RELCH: variants seen among roughly 807,000 people sequenced by gnomAD.
The protein encoded by RELCH is RAB11 binding and LisH domain, coiled-coil and HEAT repeat containing.
RELCH carries 41 observed loss-of-function variants against 150.3 expected under a neutral mutation model. The ratio of observed to expected loss-of-function variants is 0.27; its 90% CI spans 0.21 to 0.35. The LOEUF is 0.35. Ranked by LOEUF, RELCH falls within the 10% of genes least tolerant of loss-of-function variation. The pLI is 1.00. For missense variants in RELCH, 1,092 were observed against 1,467.8 expected (o/e 0.74, Z 4.18); for synonymous variants, 478 against 531.8 (o/e 0.90, Z 1.39).
chr18:62,264,051 G>A lies in RELCH; in HGVS notation c.2413G>A (p.Glu805Lys). Residue 805 changes from glutamate (E) to lysine (K), a missense_variant, in exon 17 of 29, where the codon GAG becomes AAG. By Grantham distance (56) the Glu-to-Lys change is moderately conservative. Around this residue, in one of 4 missense-constraint regions of RELCH, gnomAD observed 707 missense variants for 1,025.4 expected, o/e 0.69. Coordinates refer to ENST00000644646, the MANE Select transcript of RELCH (RefSeq NM_001346231.2). ...QDVSTIIGSR[E>K]QLAVLLQLYD... is the part of the protein sequence containing the mutation. Reference sequence around the variant, plus strand: ...TGTGTCCACTATTATCGGAAGTCGTGAGCAATTGGCAGTGCTGCTGCAACT... The same window carrying A: ...TGTGTCCACTATTATCGGAAGTCGTAAGCAATTGGCAGTGCTGCTGCAACT... 6.2e-7 allele frequency: 1 copy of A among 1,608,750 alleles called. No individual in the cohort carries two copies. Among genetic ancestry groups the A allele is most frequent in the Non-Finnish European group, 8.5e-7 (1 of 1,177,710 alleles).
intron 10 of RELCH, among the ~76,000 whole-genome samples, chr18:62,233,960 A>G (rs764345830): frequency 2.6e-5 from 4 of 151,940 alleles, no homozygotes; most frequent in Non-Finnish European, 4.4e-5. Flanking sequence ...TTGTGGTATG[A>G]TGTTTACTTT....
At chr18:62,301,852 G>C (rs1191291925) in intron 28 of RELCH, among the ~76,000 whole-genome samples, 1 of 152,172 alleles carries the variant, frequency 6.6e-6, no homozygotes, top group Non-Finnish European at 1.5e-5. Context: ...TTATGAACCA[G>C]ATACCATTCT....
intron 15 of RELCH, among the ~76,000 whole-genome samples, chr18:62,260,331 G>T (rs2043196744): frequency 6.9e-6 from 1 of 145,890 alleles, no homozygotes; most frequent in Admixed American, 6.9e-5. Context: ...AAACCAAAAT[G>T]AAGTATCATG....
intron 26 of RELCH, among the ~76,000 whole-genome samples, chr18:62,290,272 G>T (rs1600255348): frequency 6.6e-6 from 1 of 152,106 alleles, no homozygotes; most frequent in African/African-American, 2.4e-5. Flanking sequence ...GGTGGCTCAC[G>T]CCTGTAATCC....
chr18:62,200,621 C>T (rs1024562653), intron 1 of RELCH, among the ~76,000 whole-genome samples: 3 of 151,396 alleles, frequency 2.0e-5, no homozygotes, highest in African/African-American at 7.3e-5. Flanking sequence ...CAGAAATTAG[C>T]CTTTCTATTC....
At position 62,309,517 on chromosome 18, in the gene RELCH, CT is replaced by C. The variant is rs1185239431; in HGVS notation, c.*3984del. On this transcript the variant is annotated 3_prime_UTR_variant, in exon 29 of 29. Transcript: ENST00000644646. ...AAGAAAAATCTTAAAACATCCTATT[CT>C]CTGTTAAGACCACACCAATCATAAA... The C allele has an allele frequency of 6.6e-6, 1 of 152,098 alleles. No individual in the cohort carries two copies. Among genetic ancestry groups the C allele is most frequent in the Admixed American group, 6.6e-5 (1 of 15,266 alleles). 9.4% of individuals were successfully genotyped at this position (152,098 alleles called of 1,614,324 possible). A position where few individuals can be genotyped will look rare whatever the true frequency, so the allele number is the denominator to read the frequency against.
In RELCH at chr18:62,211,150, T is replaced by C. The variant is rs756439829; in HGVS notation, c.527-3T>C. The stretch of plus-strand genomic sequence containing the variant: ...AAAACTTTTATATTTCTCTTTATTA[T>C]AGATCGAGCTGGGAGCATTAGTACC... On this transcript the variant is annotated splice_polypyrimidine_tract_variant and splice_region_variant and intron_variant, in intron 1 of 28. Transcript: ENST00000644646. The C allele has an allele frequency of 2.6e-6, 4 of 1,534,740 alleles. No homozygotes were observed. The highest frequency in any genetic ancestry group is 3.5e-5 in the Admixed American group (2 of 57,256).
At chr18:62,273,891 G>T in intron 20 of RELCH, 89 bp from the exon 21 acceptor site, 8 of 798,046 alleles carry the variant, frequency 1.0e-5, no homozygotes, top group South Asian at 1.6e-5. Context: ...CCCTTATTTG[G>T]TAACATTTTC....
At chr18:62,214,390 A>G (rs2040357311) in intron 2 of RELCH, among the ~76,000 whole-genome samples, 1 of 152,208 alleles carries the variant, frequency 6.6e-6, no homozygotes, top group African/African-American at 2.4e-5. Flanking sequence ...TTGGGAAAAG[A>G]TAATTGTCTT....
chr18:62,221,118 A>C lies in RELCH; in HGVS notation c.688+10A>C. The C allele has an allele frequency of 3.1e-6, 5 of 1,612,976 alleles. No individual in the cohort carries two copies. Among genetic ancestry groups the C allele is most frequent in the Non-Finnish European group, 4.2e-6 (5 of 1,179,326 alleles). ...CTGACAAAGGCCGCAGGTGGTGTAC[A>C]TAAAACTTTTTTGAGACTTTTCAAC... On this transcript the variant is annotated intron_variant, in intron 3 of 28. Transcript: ENST00000644646.
chr18:62,232,528 ATTAC>A, intron 10 of RELCH, 101 bp downstream of exon 10: 2 of 688,616 alleles, frequency 2.9e-6, no homozygotes, highest in Non-Finnish European at 5.2e-6. Flanking sequence ...GTTAAAGTCT[ATTAC>A]TTGCAATCAT....
chr18:62,298,655 A>G, intron 27 of RELCH, 135 bp from the exon 28 acceptor site: 1 of 563,994 alleles, frequency 1.8e-6, no homozygotes, highest in Non-Finnish European at 3.2e-6. Context: ...GAATTCCTTT[A>G]ACAAAGTAAC....
At chr18:62,239,992 A>G (rs2042062656) in intron 10 of RELCH, among the ~76,000 whole-genome samples, 2 of 151,982 alleles carry the variant, frequency 1.3e-5, no homozygotes, top group South Asian at 4.1e-4. Flanking sequence ...ATTTGGATAT[A>G]ATGTAATGTG....
intron 10 of RELCH, among the ~76,000 whole-genome samples, chr18:62,237,252 A>G (rs2041922217): frequency 6.6e-6 from 1 of 151,814 alleles, no homozygotes; most frequent in Admixed American, 6.6e-5. Context: ...AGAAGAATAT[A>G]TATTCTGCTG....
intron 1 of RELCH, among the ~76,000 whole-genome samples, chr18:62,188,234 G>A (rs533721681): frequency 6.6e-6 from 1 of 152,304 alleles, no homozygotes; most frequent in East Asian, 1.9e-4. Flanking sequence ...CCCTTGGCTG[G>A]TGTTGCACTT....
intron 2 of RELCH, among the ~76,000 whole-genome samples, chr18:62,215,400 C>T (rs531985497): frequency 6.6e-6 from 1 of 152,268 alleles, no homozygotes; most frequent in Admixed American, 6.5e-5. Context: ...AGGGTCTCCT[C>T]TAACCCTTAA....
At chr18:62,199,314 T>C (rs2148225095) in intron 1 of RELCH, among the ~76,000 whole-genome samples, 1 of 152,212 alleles carries the variant, frequency 6.6e-6, no homozygotes, top group Middle Eastern at 3.4e-3. Flanking sequence ...TGAATATGTG[T>C]TTCTAATTAA....
chr18:62,233,342 T>C (rs2041696428), intron 10 of RELCH, among the ~76,000 whole-genome samples: 1 of 151,888 alleles, frequency 6.6e-6, no homozygotes, highest in African/African-American at 2.4e-5. Flanking sequence ...TATTTACCAC[T>C]GATTCAATCA....
chr18:62,227,515 T>C, intron 6 of RELCH, 23 bp downstream of exon 6: 1 of 1,596,468 alleles, frequency 6.3e-7, no homozygotes, highest in Non-Finnish European at 8.6e-7. Flanking sequence ...AACTAATTAG[T>C]CAAGTCCACA....
Sources: allele counts gnomAD v4.1 joint callset (sites outside exome capture counted in the v4.1 genomes callset), GRCh38; gene constraint gnomAD v4.1.1; regional missense constraint gnomAD v4.1.1; transcripts MANE v1.5; gene names NCBI Gene and HGNC (gene_info 2026-07-23, HGNC 2026-07-21).